The following PCDHA10 variants were observed in gnomAD, a reference collection of about 807,000 sequenced individuals.
PCDHA10 encodes protocadherin alpha 10.
In PCDHA10, 45 loss-of-function variants were observed where a neutral mutation model predicts 61.2. The ratio of observed to expected loss-of-function variants is 0.74; its 90% CI spans 0.58 to 0.94. PCDHA10 has a LOEUF of 0.94. Ranked by LOEUF, PCDHA10 falls within the 40% of genes least tolerant of loss-of-function variation. The pLI, the probability that PCDHA10 is intolerant of heterozygous loss-of-function variation, is 0.00. For synonymous variants in PCDHA10, 602 were observed against 548.8 expected (o/e 1.10, Z -1.35); for missense variants, 1,278 against 1,236.2 (o/e 1.03, Z -0.51).
Position 141,010,780 on chromosome 5 carries a change from TGCAAAA to T in PCDHA10, c.*851_*856del, listed in dbSNP as rs1309288663. 1 of 153,816 alleles carries T rather than the reference TGCAAAA, an allele frequency of 6.5e-6. No homozygotes were observed. The highest frequency in any genetic ancestry group is 1.9e-4 in the East Asian group (1 of 5,188). The allele number at this position is 153,816 out of a possible 1,614,324, so 9.5% of individuals were successfully genotyped here. On this transcript the variant is annotated 3_prime_UTR_variant, in exon 4 of 4. Transcript: ENST00000307360. ...AGGCCAGATCCTTTTCCAATACTTATGCAAAAGCAAAAGAAAACCCCGACACCTCAC... is the reference window on the plus strand; with the variant it reads ...AGGCCAGATCCTTTTCCAATACTTATGCAAAAGAAAACCCCGACACCTCAC...
chr5:140,976,952 C>T lies in PCDHA10; in HGVS notation c.2389-1997C>T, dbSNP rs183824. 1.8e-3 allele frequency among the ~76,000 whole-genome samples: 271 copies of T among 152,298 alleles called. 1 individual carries two copies. Among genetic ancestry groups the T allele is most frequent in the African/African-American group, 6.2e-3 (258 of 41,574 alleles). The stretch of plus-strand genomic sequence containing the variant: ...GTAGCTACTTAAAACATATTATATG[C>T]TTTCTTCCTTTCCTTTTCCCTGCCT... On this transcript the variant is annotated intron_variant, in intron 1 of 3. Coordinates refer to ENST00000307360, the MANE Select transcript of PCDHA10 (RefSeq NM_018901.4).
chr5:140,986,106 G>A (rs2097187379), intron 3 of PCDHA10, among the ~76,000 whole-genome samples: 2 of 152,116 alleles, frequency 1.3e-5, no homozygotes, highest in Non-Finnish European at 2.9e-5. Context: ...AAAAGCCTAA[G>A]ATAAAGATGC....
chr5:140,914,928 T>C lies in PCDHA10; in HGVS notation c.2388+56492T>C, dbSNP rs75399267. On this transcript the variant is annotated intron_variant, in intron 1 of 3. Coordinates refer to ENST00000307360, the MANE Select transcript of PCDHA10 (RefSeq NM_018901.4). ...TGTTTCTCTGTGTCTTATTGTACTA[T>C]GTTGTGAAAAGTTGTCTTTTTTTTT... Among the ~76,000 whole-genome samples the C allele has an allele frequency of 4.6e-3, 691 of 150,904 alleles. 3 individuals carry two copies. The highest frequency in any genetic ancestry group is 0.016 in the African/African-American group (668 of 41,182).
At position 141,011,699 on chromosome 5, in the gene PCDHA10, A is replaced by G. The variant is rs537913184; in HGVS notation, c.*1762A>G. 6.5e-6 allele frequency: 1 copy of G among 153,890 alleles called. No homozygotes were observed. Among genetic ancestry groups the G allele is most frequent in the African/African-American group, 2.4e-5 (1 of 41,578 alleles). 9.5% of individuals were successfully genotyped at this position (153,890 alleles called of 1,614,324 possible). A position where few individuals can be genotyped will look rare whatever the true frequency, so the allele number is the denominator to read the frequency against. ...TTGTTCTAGTAACAATTTTGGAATG[A>G]ATACTGACAATATTCCATGAGGGTG... On this transcript the variant is annotated 3_prime_UTR_variant, in exon 4 of 4. Coordinates refer to ENST00000307360, the MANE Select transcript of PCDHA10 (RefSeq NM_018901.4).
intron 1 of PCDHA10, chr5:140,927,797 C>T (rs1554205063): frequency 6.2e-7 from 1 of 1,614,196 alleles, no homozygotes; most frequent in Non-Finnish European, 8.5e-7. Context: ...CTAGGTCCGC[C>T]TGAAACGCTC....
rs59860837 is a variant in PCDHA10 at position 141,005,701 on chromosome 5, C to CAAAAA, written c.2537-3900_2537-3896dup. 5.2e-3 allele frequency among the ~76,000 whole-genome samples: 40 copies of CAAAAA among 7,764 alleles called. 2 individuals are homozygous for CAAAAA. Among genetic ancestry groups the CAAAAA allele is most frequent in the East Asian group, 0.013 (4 of 312 alleles). The allele number at this position is 7,764 out of a possible 152,430, so 5.1% of individuals were successfully genotyped here. On this transcript the variant is annotated intron_variant, in intron 3 of 3. Coordinates refer to ENST00000307360, the MANE Select transcript of PCDHA10 (RefSeq NM_018901.4). ...TGGGCGACAGAGCGAAACTCCGTCT[C>CAAAAA]AAAAAAAAAAAAAAAAAAAAAAAAA...
Position 140,874,848 on chromosome 5 carries a change from T to G in PCDHA10, c.2388+16412T>G, listed in dbSNP as rs143666233. ...GAAATATTGTTTGGTATTAGACATATTTTAGTTTCTTATCCTTTGTTAAAT... is the reference window on the plus strand; with the variant it reads ...GAAATATTGTTTGGTATTAGACATAGTTTAGTTTCTTATCCTTTGTTAAAT... On this transcript the variant is annotated intron_variant, in intron 1 of 3. Transcript: ENST00000307360. Among the ~76,000 whole-genome samples the G allele has an allele frequency of 6.0e-4, 92 of 152,344 alleles. 1 individual carries two copies. The East Asian group carries it at 0.017, about 27-fold the overall frequency.
At chr5:140,936,833 A>G (rs186890408) in intron 1 of PCDHA10, among the ~76,000 whole-genome samples, 1 of 152,276 alleles carries the variant, frequency 6.6e-6, no homozygotes, top group East Asian at 1.9e-4. Context: ...GCATTTCTAT[A>G]TAAATTGTAG....
intron 1 of PCDHA10, among the ~76,000 whole-genome samples, chr5:140,905,043 A>T (rs782694794): frequency 1.5e-4 from 23 of 152,126 alleles, no homozygotes; most frequent in Non-Finnish European, 5.9e-5. Flanking sequence ...TAGTTTAATT[A>T]GGTCCCATTT....
In PCDHA10 at chr5:141,011,594, T is replaced by C. The variant is rs2098421156; in HGVS notation, c.*1657T>C. 6.5e-6 allele frequency: 1 copy of C among 153,764 alleles called. No homozygotes were observed. Among genetic ancestry groups the C allele is most frequent in the East Asian group, 1.9e-4 (1 of 5,202 alleles). The allele number at this position is 153,764 out of a possible 1,614,324, so 9.5% of individuals were successfully genotyped here. On this transcript the variant is annotated 3_prime_UTR_variant, in exon 4 of 4. Coordinates refer to ENST00000307360, the MANE Select transcript of PCDHA10 (RefSeq NM_018901.4). ...TTTCTTAAATCAAGATACTGGTGAT[T>C]CAAGGAATTTTATTTATGGTCCAGC...
At chr5:140,898,235 T>G (rs1386232934) in intron 1 of PCDHA10, among the ~76,000 whole-genome samples, 1 of 152,220 alleles carries the variant, frequency 6.6e-6, no homozygotes, top group Non-Finnish European at 1.5e-5. Flanking sequence ...TGCCATTGCT[T>G]TTGGTGTTTT....
At chr5:140,896,827 T>G (rs1193967071) in intron 1 of PCDHA10, among the ~76,000 whole-genome samples, 1 of 152,214 alleles carries the variant, frequency 6.6e-6, no homozygotes, top group African/African-American at 2.4e-5. Flanking sequence ...TGTTCATAGT[T>G]GTTTTTATTT....
intron 1 of PCDHA10, among the ~76,000 whole-genome samples, chr5:140,916,133 G>A (rs2077446110): frequency 6.6e-6 from 1 of 152,114 alleles, no homozygotes; most frequent in Non-Finnish European, 1.5e-5. Flanking sequence ...AAGCTTAAGG[G>A]CTGTTCAGTT....
intron 1 of PCDHA10, among the ~76,000 whole-genome samples, chr5:140,916,270 G>A (rs1487301756): frequency 1.3e-5 from 2 of 152,180 alleles, no homozygotes; most frequent in Admixed American, 1.3e-4. Flanking sequence ...GAGCATGCTT[G>A]TTGCTCTACT....
chr5:140,870,704 T>C (rs782770549), intron 1 of PCDHA10: 1 of 1,612,984 alleles, frequency 6.2e-7, no homozygotes, highest in Non-Finnish European at 8.5e-7. Flanking sequence ...CAGTTCCAGG[T>C]GAGCGCGCGC....
Position 141,009,873 on chromosome 5 carries a change from A to C in PCDHA10, c.2783A>C (p.Lys928Thr), listed in dbSNP as rs782413551. The C allele has an allele frequency of 1.2e-6, 2 of 1,613,916 alleles. No homozygotes were observed. The highest frequency in any genetic ancestry group is 2.7e-5 in the African/African-American group (2 of 74,862). The change falls in exon 4 of 4, where the codon AAG (lysine) becomes ACG (threonine). Residue 928 changes from lysine to threonine, a missense_variant. Lys to Thr is a moderately conservative substitution (Grantham distance 78). Transcript: ENST00000307360. ...ACCAAGAAAAAGAAGAAAAAGAAGA[A>C]GGGTAACAAGACCCAGGAGAAAAAA... ...EETKKKKKKK[K>T]GNKTQEKKEK...
At chr5:140,876,524 T>A in intron 1 of PCDHA10, 1 of 1,614,136 alleles carries the variant, frequency 6.2e-7, no homozygotes, top group Non-Finnish European at 8.5e-7. Flanking sequence ...CCTGAAGTAA[T>A]GGTTACTTCA....
intron 3 of PCDHA10, among the ~76,000 whole-genome samples, chr5:140,989,765 C>T (rs2097359812): frequency 6.6e-6 from 1 of 152,166 alleles, no homozygotes; most frequent in South Asian, 2.1e-4. Context: ...ATATTCAGTT[C>T]AAGCACTGGC....
intron 1 of PCDHA10, among the ~76,000 whole-genome samples, chr5:140,974,319 G>A (rs781949857): frequency 1.8e-4 from 27 of 152,198 alleles, no homozygotes; most frequent in Non-Finnish European, 3.5e-4. Flanking sequence ...TGAGAGAGTA[G>A]CTGCTGTGCT....
Sources: gnomAD v4.1 joint callset for allele counts (sites outside exome capture counted in the v4.1 genomes callset) on GRCh38, gnomAD v4.1.1 for gene constraint, MANE v1.5 for transcripts, NCBI Gene and HGNC (gene_info 2026-07-23, HGNC 2026-07-21) for gene names.